The following MYO5B variants were observed in gnomAD, a reference collection of about 807,000 sequenced individuals.
The protein encoded by MYO5B is unconventional myosin-Vb.
In MYO5B, 143 loss-of-function variants were observed where a neutral mutation model predicts 229.3. That is an observed-to-expected ratio of 0.62 (90% CI 0.54 to 0.72). The LOEUF (loss-of-function observed/expected upper bound fraction) is 0.72, where lower values mean the gene tolerates loss of function less well. Among genes scored for constraint, MYO5B ranks in the 30% least tolerant of loss-of-function variants. MYO5B has a pLI of 0.00. For synonymous variants in MYO5B, 918 were observed against 885.2 expected, an observed-to-expected ratio of 1.04 and a Z score of -0.66; for missense variants, 2,321 against 2,331.0, an observed-to-expected ratio of 1.00 and a Z score of 0.09.
rs138924765 is a variant in MYO5B, at chr18:49,895,696, C to T, written c.2812-522G>A. Among the ~76,000 whole-genome samples, 770 of 152,276 alleles carry T rather than the reference C, an allele frequency of 5.1e-3. 3 individuals carry two copies. Among genetic ancestry groups the T allele is most frequent in the Non-Finnish European group, 8.7e-3 (594 of 68,030 alleles). On this transcript the variant is annotated intron_variant, in intron 21 of 39. Transcript: ENST00000285039. ...CCATGGGGTCTTGGAATCTCTCTCACCCCTGTCAGCCATGGCTTGCCCCAT... is the reference window on the plus strand; with the variant it reads ...CCATGGGGTCTTGGAATCTCTCTCATCCCTGTCAGCCATGGCTTGCCCCAT...
At chr18:50,106,369 C>G (rs1468556431) in intron 1 of MYO5B, among the ~76,000 whole-genome samples, 1 of 152,192 alleles carries the variant, frequency 6.6e-6, no homozygotes, top group Non-Finnish European at 1.5e-5. Context: ...TTGCTCAGAG[C>G]TCTTAGATGC....
chr18:49,851,260 TCAAG>T (rs1427077342), intron 31 of MYO5B, among the ~76,000 whole-genome samples: 1 of 152,118 alleles, frequency 6.6e-6, no homozygotes, highest in Non-Finnish European at 1.5e-5. Flanking sequence ...CCCGAAATGC[TCAAG>T]CAGAGGTGAT....
At chr18:49,912,564 C>T (rs1408459674) in intron 17 of MYO5B, among the ~76,000 whole-genome samples, 4 of 152,156 alleles carry the variant, frequency 2.6e-5, no homozygotes, top group Non-Finnish European at 4.4e-5. Context: ...TGGTTTCCCC[C>T]ATACTGTTCT....
intron 1 of MYO5B, among the ~76,000 whole-genome samples, chr18:50,093,768 TA>T (rs58963888): frequency 0.2 from 28,857 of 147,252 alleles, 2,825 homozygotes; most frequent in South Asian, 0.24. Context: ...GTTAATATGC[TA>T]AAAAAAAAAG....
At chr18:50,097,898 G>C (rs2031583516) in intron 1 of MYO5B, among the ~76,000 whole-genome samples, 1 of 152,188 alleles carries the variant, frequency 6.6e-6, no homozygotes, top group African/African-American at 2.4e-5. Flanking sequence ...GGAAACTGGA[G>C]ACAGCATGAC....
At chr18:50,084,084 C>T (rs976415171) in intron 1 of MYO5B, among the ~76,000 whole-genome samples, 39 of 152,124 alleles carry the variant, frequency 2.6e-4, no homozygotes, top group African/African-American at 8.7e-4. Flanking sequence ...GGCGTAATAA[C>T]GTTTTCAGAA....
At position 49,974,353 on chromosome 18, in the gene MYO5B, T is replaced by C. The variant is rs2025721470; in HGVS notation, c.1319A>G (p.Tyr440Cys). 6.2e-7 allele frequency: 1 copy of C among 1,614,144 alleles called. No homozygotes were observed. The highest frequency in any genetic ancestry group is 8.5e-7 in the Non-Finnish European group (1 of 1,180,012). The change falls in exon 10 of 40, where the codon TAT (tyrosine) becomes TGT (cysteine). Residue 440 changes from tyrosine (Y) to cysteine (C), a missense_variant. Around this residue, in one of 2 missense-constraint regions of MYO5B, gnomAD observed 2,113 missense variants for 2,044.7 expected, o/e 1.03. Coordinates refer to ENST00000285039, the MANE Select transcript of MYO5B (RefSeq NM_001080467.3). ...GCGAGACAGGCGGCAGGCCTACCCA[T>C]AGATGTCCAGGACCCCGATGAAGGA... ...QHSFIGVLDI[Y>C]GFETFEVNSF... is the part of the protein sequence containing the mutation.
At chr18:49,977,453 T>C (rs946903955) in intron 9 of MYO5B, among the ~76,000 whole-genome samples, 1 of 152,016 alleles carries the variant, frequency 6.6e-6, no homozygotes, top group Non-Finnish European at 1.5e-5. Flanking sequence ...AGAAGCTCCA[T>C]CCTATGTGCC....
intron 4 of MYO5B, among the ~76,000 whole-genome samples, chr18:50,009,616 A>G (rs1378831601): frequency 2.6e-5 from 4 of 152,236 alleles, no homozygotes; most frequent in Non-Finnish European, 5.9e-5. Context: ...GTAGGTTAAG[A>G]TAGCAGTCAA....
In MYO5B at chr18:50,040,249, C is replaced by G; in HGVS notation, c.204G>C (p.Leu68Phe). ...GGGCAGTCAGGTCATTTTCTCCCACCAAGATATCTGGATTCCGTAAGAAGG... is the reference window on the plus strand; with the variant it reads ...GGGCAGTCAGGTCATTTTCTCCCACGAAGATATCTGGATTCCGTAAGAAGG... ...QLPFLRNPDI[L>F]VGENDLTALS... The change falls in exon 3 of 40, where the codon TTG (leucine) becomes TTC (phenylalanine). Residue 68 changes from leucine (L) to phenylalanine (F), a missense_variant. Around this residue, in one of 2 missense-constraint regions of MYO5B, gnomAD observed 2,113 missense variants for 2,044.7 expected, o/e 1.03. Transcript: ENST00000285039. The G allele has an allele frequency of 6.2e-7, 1 of 1,614,070 alleles. No homozygotes were observed. Among genetic ancestry groups the G allele is most frequent in the Non-Finnish European group, 8.5e-7 (1 of 1,179,988 alleles).
intron 1 of MYO5B, among the ~76,000 whole-genome samples, chr18:50,069,584 G>A (rs1264536156): frequency 2.0e-5 from 3 of 152,030 alleles, no homozygotes; most frequent in Admixed American, 1.3e-4. Context: ...TCCTCAGCCT[G>A]GTACCACTAG....
rs760481978 is a variant in MYO5B at position 49,906,426 on chromosome 18, C to T, written c.2407G>A (p.Ala803Thr). Residue 803 changes from alanine to threonine, a missense_variant, in exon 19 of 40, where the codon GCC (alanine) becomes ACC (threonine). Around this residue, in one of 2 missense-constraint regions of MYO5B, gnomAD observed 2,113 missense variants for 2,044.7 expected, o/e 1.03. Coordinates refer to ENST00000285039, the MANE Select transcript of MYO5B (RefSeq NM_001080467.3). The part of the protein sequence containing the change: ...TLQRYCRGHL[A>T]RRLAEHLRRI... ...TGCCACAGTCTGGCTCACCTGCGGGCCAGGTGTCCCCGGCAGTACCTCTGC... is the reference window on the plus strand; with the variant it reads ...TGCCACAGTCTGGCTCACCTGCGGGTCAGGTGTCCCCGGCAGTACCTCTGC... 1.2e-5 allele frequency: 19 copies of T among 1,613,964 alleles called. No homozygotes were observed. The highest frequency in any genetic ancestry group is 1.6e-5 in the Non-Finnish European group (19 of 1,180,020).
intron 39 of MYO5B, among the ~76,000 whole-genome samples, chr18:49,827,741 A>C (rs2023864401): frequency 6.6e-6 from 1 of 152,048 alleles, no homozygotes. Context: ...AAGAGCAAGA[A>C]GGGGGCAACA....
In MYO5B at chr18:49,880,407, C is replaced by T; in HGVS notation, c.3094G>A (p.Glu1032Lys). The T allele has an allele frequency of 6.2e-7, 1 of 1,614,124 alleles. No individual in the cohort carries two copies. ...QENALLKDEK[E>K]QLNNQILCQS... ...CACAGGATTTGGTTGTTGAGCTGTT[C>T]TTTCTCATCTTTCAAGAGAGCATTT... is the stretch of plus-strand genomic sequence containing the variant. Residue 1032 changes from glutamate (E) to lysine (K), a missense_variant, in exon 23 of 40, where the codon GAA becomes AAA. By Grantham distance (56) the Glu-to-Lys change is moderately conservative. Transcript: ENST00000285039.
At chr18:50,041,029 G>T (rs1019225801) in intron 2 of MYO5B, among the ~76,000 whole-genome samples, 1 of 152,140 alleles carries the variant, frequency 6.6e-6, no homozygotes, top group African/African-American at 2.4e-5. Flanking sequence ...ATCTAACACA[G>T]GTAGTTTATA....
At chr18:50,173,257 T>C (rs1360522189) in intron 1 of MYO5B, among the ~76,000 whole-genome samples, 4 of 140,342 alleles carry the variant, frequency 2.9e-5, no homozygotes, top group African/African-American at 5.4e-5. Context: ...AGAGCAAGAC[T>C]CCAAAAACAA....
intron 1 of MYO5B, among the ~76,000 whole-genome samples, chr18:50,112,686 A>G (rs1267975581): frequency 6.6e-6 from 1 of 152,232 alleles, no homozygotes; most frequent in South Asian, 2.1e-4. Context: ...TCCCTACTGG[A>G]CTGAAGGTTT....
intron 19 of MYO5B, 123 bp downstream of exon 19, chr18:49,906,296 G>C (rs1300144954): frequency 6.3e-6 from 6 of 957,318 alleles, no homozygotes; most frequent in Non-Finnish European, 9.7e-6. Flanking sequence ...CCAAGATGCA[G>C]ACATGGCCCC....
chr18:49,890,628 G>C (rs1036224086), intron 22 of MYO5B, among the ~76,000 whole-genome samples: 1 of 152,180 alleles, frequency 6.6e-6, no homozygotes, highest in East Asian at 1.9e-4. Context: ...AGGGATATTA[G>C]TACTATAAGA....
Sources: gnomAD v4.1 joint callset for allele counts (sites outside exome capture counted in the v4.1 genomes callset) on GRCh38, gnomAD v4.1.1 for gene constraint, gnomAD v4.1.1 regional missense constraint, MANE v1.5 for transcripts, NCBI Gene and HGNC (gene_info 2026-07-23, HGNC 2026-07-21) for gene names.